The following SCN9A variants were observed in gnomAD, a reference collection of about 807,000 sequenced individuals.
SCN9A encodes the protein sodium channel protein type 9 subunit alpha.
In SCN9A, 131 loss-of-function variants were observed where a neutral mutation model predicts 187.0. The ratio of observed to expected loss-of-function variants is 0.70; its 90% CI spans 0.61 to 0.81. The LOEUF (loss-of-function observed/expected upper bound fraction) is 0.81. Ranked by LOEUF, SCN9A falls within the 30% of genes least tolerant of loss-of-function variation. SCN9A has a pLI of 0.00. For synonymous variants in SCN9A, 809 were observed against 808.6 expected, an observed-to-expected ratio of 1.00 and a Z score of -0.01; for missense variants, 2,252 against 2,396.6, an observed-to-expected ratio of 0.94 and a Z score of 1.26.
intron 1 of SCN9A, among the ~76,000 whole-genome samples, chr2:166,372,640 A>G (rs1406705454): frequency 1.3e-5 from 2 of 152,214 alleles, no homozygotes; most frequent in Non-Finnish European, 2.9e-5. Context: ...AAAAGAGAGA[A>G]TACATCTCAG....
chr2:166,297,126 G>A (rs1698338856), intron 7 of SCN9A, among the ~76,000 whole-genome samples: 1 of 144,910 alleles, frequency 6.9e-6, no homozygotes, highest in African/African-American at 2.6e-5. Flanking sequence ...GAACCCGGGA[G>A]GCGGAGCTTA....
intron 26 of SCN9A, among the ~76,000 whole-genome samples, chr2:166,201,045 A>C (rs1693485966): frequency 6.6e-6 from 1 of 152,102 alleles, no homozygotes; most frequent in Non-Finnish European, 1.5e-5. Flanking sequence ...CACAAATTGA[A>C]GACTAGCATT....
intron 17 of SCN9A, among the ~76,000 whole-genome samples, chr2:166,257,772 CT>C (rs1173806402): frequency 6.6e-6 from 1 of 151,330 alleles, no homozygotes; most frequent in East Asian, 1.9e-4. Flanking sequence ...TATGTTTTAT[CT>C]ATACCTATAT....
At chr2:166,311,971 C>T (rs955414366) in intron 1 of SCN9A, among the ~76,000 whole-genome samples, 165 bp from the exon 2 acceptor site, 5 of 152,040 alleles carry the variant, frequency 3.3e-5, no homozygotes, top group African/African-American at 9.7e-5. Context: ...AGGCAATGGG[C>T]GGGACTTATC....
Position 166,215,676 on chromosome 2 carries a change from T to C in SCN9A, c.4398+10891A>G, listed in dbSNP as rs536660583. Among the ~76,000 whole-genome samples the C allele has an allele frequency of 2.4e-4, 36 of 151,302 alleles. 1 individual carries two copies. The South Asian group carries it at 7.3e-3, about 31-fold the overall frequency. ...TAACCTAGAAGGAATGAACTAATCT[T>C]TAGAAACATGCAACCTACCAAGACT... On this transcript the variant is annotated intron_variant, in intron 24 of 26. Coordinates refer to ENST00000642356, the MANE Select transcript of SCN9A (RefSeq NM_001365536.1).
In SCN9A at chr2:166,366,282, G is replaced by A. The variant is rs142347131; in HGVS notation, c.-51+9415C>T. 2.9e-3 allele frequency among the ~76,000 whole-genome samples: 445 copies of A among 152,146 alleles called. 2 individuals carry two copies. Among genetic ancestry groups the A allele is most frequent in the African/African-American group, 9.8e-3 (408 of 41,494 alleles). On this transcript the variant is annotated intron_variant, in intron 1 of 26. Coordinates refer to ENST00000642356, the MANE Select transcript of SCN9A (RefSeq NM_001365536.1). The stretch of plus-strand genomic sequence containing the variant: ...ATATCTGTCACTGTCAAAAGTTTTC[G>A]TGTCCCTTTACTTATTTCACTTAGC...
intron 7 of SCN9A, chr2:166,302,162 TGGGTCAAA>T: frequency 3.3e-5 from 5 of 150,928 alleles, no homozygotes; most frequent in African/African-American, 1.2e-4. Flanking sequence ...ATACCACACC[TGGGTCAAA>T]TTATCTATTA....
rs1011854529 is a variant in SCN9A at position 166,227,616 on chromosome 2, T to TAA, written c.4260+52_4260+53dup. 10 of 1,040,314 alleles carry TAA rather than the reference T, an allele frequency of 9.6e-6. No homozygotes were observed. In the African/African-American group the frequency reaches 1.6e-4, roughly 17 times the overall value. 64.4% of individuals were successfully genotyped at this position (1,040,314 alleles called of 1,614,324 possible). On this transcript the variant is annotated intron_variant, in intron 23 of 26. Transcript: ENST00000642356. ...AGTTATAGTTTGGAAATCACTGAAATAAACTAAGAAGCTTTTAAAAATAAA... is the reference window on the plus strand; with the variant it reads ...AGTTATAGTTTGGAAATCACTGAAATAAAAACTAAGAAGCTTTTAAAAATAAA...
At chr2:166,293,729 G>A (rs12471272) in intron 8 of SCN9A, among the ~76,000 whole-genome samples, 12,062 of 152,166 alleles carry the variant, frequency 0.079, 591 homozygotes, top group Admixed American at 0.16. Flanking sequence ...TTCAACAGAC[G>A]TTTTGTGATA....
rs763407364 is a variant in SCN9A, at chr2:166,204,338, A to AAAGAT, written c.4503+17_4503+21dup. On this transcript the variant is annotated intron_variant, in intron 25 of 26. Coordinates refer to ENST00000642356, the MANE Select transcript of SCN9A (RefSeq NM_001365536.1). ...GAAATAATTTGAAAATCTATATGCTAAAGATATATATATTTTTTTACCCCT... is the reference window on the plus strand; with the variant it reads ...GAAATAATTTGAAAATCTATATGCTAAAGATAAGATATATATATTTTTTTACCCCT... The AAAGAT allele has an allele frequency of 1.9e-6, 3 of 1,574,842 alleles. No individual in the cohort carries two copies. The East Asian group carries it at 6.7e-5, about 35-fold the overall frequency.
intron 1 of SCN9A, among the ~76,000 whole-genome samples, chr2:166,314,690 C>T (rs1424135943): frequency 1.3e-5 from 2 of 152,118 alleles, no homozygotes; most frequent in African/African-American, 2.4e-5. Flanking sequence ...CGTGAAAGAA[C>T]ACAGAGCCAA....
At chr2:166,363,133 C>T (rs1700330284) in intron 1 of SCN9A, among the ~76,000 whole-genome samples, 1 of 151,872 alleles carries the variant, frequency 6.6e-6, no homozygotes, top group Non-Finnish European at 1.5e-5. Flanking sequence ...AACACTTTAA[C>T]AAAACTGAGT....
intron 1 of SCN9A, among the ~76,000 whole-genome samples, chr2:166,358,380 T>A (rs1282964263): frequency 6.6e-6 from 1 of 152,100 alleles, no homozygotes; most frequent in African/African-American, 2.4e-5. Context: ...GAAAACTTCT[T>A]AATTCTTATC....
chr2:166,258,265 T>C (rs1488734717), intron 17 of SCN9A, among the ~76,000 whole-genome samples: 3 of 151,558 alleles, frequency 2.0e-5, no homozygotes, highest in African/African-American at 2.4e-5. Context: ...AATAAGGCAA[T>C]ACATATTAAT....
At chr2:166,360,219 CAA>C (rs1251018524) in intron 1 of SCN9A, among the ~76,000 whole-genome samples, 1 of 24,040 alleles carries the variant, frequency 4.2e-5, no homozygotes, top group Non-Finnish European at 7.5e-5. Flanking sequence ...AACTCTGTCT[CAA>C]AAAAAAAAAA....
chr2:166,357,561 A>G (rs922928037), intron 1 of SCN9A, among the ~76,000 whole-genome samples: 2 of 152,148 alleles, frequency 1.3e-5, no homozygotes, highest in African/African-American at 4.8e-5. Context: ...GATAATCCCC[A>G]TGACAATGAC....
Position 166,228,926 on chromosome 2 carries a change from A to G in SCN9A, c.3971T>C (p.Val1324Ala), listed in dbSNP as rs765757819. 4 of 1,613,856 alleles carry G rather than the reference A, an allele frequency of 2.5e-6. No homozygotes were observed. The Admixed American group carries it at 5.0e-5, about 20-fold the overall frequency. ...CCAGAATATAAGACACACAAGTAGC[A>G]CATTCATGATGGAAGGAATTGCTCC... ...LIGAIPSIMNVLLVCLIFWLI... is the reference protein window; with the variant it reads ...LIGAIPSIMNALLVCLIFWLI... The change falls in exon 22 of 27, where the codon GTG (valine) becomes GCG (alanine). Residue 1324 changes from valine to alanine, a missense_variant. Val to Ala is a moderately conservative substitution (Grantham distance 64). Transcript: ENST00000642356.
rs927618848 is a variant in SCN9A, at chr2:166,330,885, A to G, written c.-50-19079T>C. 2.0e-5 allele frequency among the ~76,000 whole-genome samples: 3 copies of G among 152,174 alleles called. No homozygotes were observed. The South Asian group carries it at 6.2e-4, about 31-fold the overall frequency. ...CCTGGTTCCTAACAGGCCATGGACC[A>G]GTATCTGTCACTGGCCCAGGGGATG... On this transcript the variant is annotated intron_variant, in intron 1 of 26. Coordinates refer to ENST00000642356, the MANE Select transcript of SCN9A (RefSeq NM_001365536.1).
chr2:166,279,622 T>G (rs554665739), intron 14 of SCN9A, among the ~76,000 whole-genome samples: 44 of 152,280 alleles, frequency 2.9e-4, no homozygotes, highest in African/African-American at 1.1e-3. Context: ...TTCAACCATT[T>G]TGGTTTCTCA....
Sources: gnomAD v4.1 joint callset for allele counts (sites outside exome capture counted in the v4.1 genomes callset) on GRCh38, gnomAD v4.1.1 for gene constraint, MANE v1.5 for transcripts, NCBI Gene and HGNC (gene_info 2026-07-23, HGNC 2026-07-21) for gene names.